HYCC1: variants seen among roughly 807,000 people sequenced by gnomAD.
HYCC1 encodes the protein hyccin.
the HYCC1 span, among the ~76,000 whole-genome samples, chr7:23,000,852 C>T: frequency 2.0e-5 from 3 of 151,272 alleles, no homozygotes; most frequent in Admixed American, 1.3e-4. Context: ...AGACAGACCT[C>T]GGAGGACAGC....
the HYCC1 span, chr7:22,944,451 A>G: frequency 6.6e-6 from 1 of 152,110 alleles, no homozygotes; most frequent in African/African-American, 2.4e-5. Context: ...TTCTTTTGAT[A>G]TCATACTAAG....
At chr7:22,969,030 C>A in the HYCC1 span, among the ~76,000 whole-genome samples, 1 of 152,018 alleles carries the variant, frequency 6.6e-6, no homozygotes, top group Non-Finnish European at 1.5e-5. Flanking sequence ...CTTTAGCTGC[C>A]TGAGGTCACT....
At chr7:23,005,900 TCTCCATTTCCCTATCAGGA>T in the HYCC1 span, among the ~76,000 whole-genome samples, 7 of 152,322 alleles carry the variant, frequency 4.6e-5, no homozygotes, top group South Asian at 8.3e-4. Context: ...TTCACCTTCC[TCTCCATTTCCCTATCAGGA>T]CTCACTTGAA....
At chr7:22,921,980 CA>C in the HYCC1 span, among the ~76,000 whole-genome samples, 1 of 151,772 alleles carries the variant, frequency 6.6e-6, no homozygotes, top group Admixed American at 6.6e-5. Context: ...CAAAAGCCTA[CA>C]GTGAAAAAAA....
chr7:22,930,384 A>G, the HYCC1 span, among the ~76,000 whole-genome samples: 4 of 128,938 alleles, frequency 3.1e-5, no homozygotes, highest in Non-Finnish European at 7.1e-5. Flanking sequence ...GTAAAAAGAA[A>G]AAGAAAAAGA....
chr7:23,007,961 C>T, the HYCC1 span, among the ~76,000 whole-genome samples: 1 of 152,032 alleles, frequency 6.6e-6, no homozygotes, highest in Non-Finnish European at 1.5e-5. Flanking sequence ...ATTTTGAACA[C>T]ACAACTGTGA....
chr7:22,903,432 T>A, the HYCC1 span, among the ~76,000 whole-genome samples: 2 of 152,176 alleles, frequency 1.3e-5, no homozygotes, highest in Non-Finnish European at 2.9e-5. Flanking sequence ...GAGAATATTA[T>A]GAAAAACCTT....
the HYCC1 span, among the ~76,000 whole-genome samples, chr7:22,924,471 GTCAC>G: frequency 1.3e-5 from 2 of 152,170 alleles, no homozygotes; most frequent in African/African-American, 4.8e-5. Flanking sequence ...GGAAAATCGG[GTCAC>G]TCCCACCCTA....
At chr7:22,936,870 C>T in the HYCC1 span, 1 of 152,328 alleles carries the variant, frequency 6.6e-6, no homozygotes, top group South Asian at 2.1e-4. Context: ...AATTTTACCC[C>T]TTCAGGGAAC....
At chr7:22,913,170 G>C in the HYCC1 span, among the ~76,000 whole-genome samples, 1 of 151,664 alleles carries the variant, frequency 6.6e-6, no homozygotes, top group African/African-American at 2.4e-5. Flanking sequence ...ACTAAACCTA[G>C]TCTCAAAAAC....
chr7:23,006,319 T>G, the HYCC1 span, among the ~76,000 whole-genome samples: 11 of 152,062 alleles, frequency 7.2e-5, no homozygotes, highest in Non-Finnish European at 1.2e-4. Flanking sequence ...CAGGCTGGAG[T>G]GCAGTGGCAC....
chr7:22,947,673 A>G, the HYCC1 span, among the ~76,000 whole-genome samples: 14 of 152,210 alleles, frequency 9.2e-5, no homozygotes, highest in South Asian at 2.7e-3. Flanking sequence ...CTACAGCCAA[A>G]CCTTTAGCTT....
chr7:22,905,212 T>C, the HYCC1 span, among the ~76,000 whole-genome samples: 1 of 151,938 alleles, frequency 6.6e-6, no homozygotes, highest in African/African-American at 2.4e-5. Context: ...TTTTTTCTTT[T>C]TTTCTTTTTG....
the HYCC1 span, among the ~76,000 whole-genome samples, chr7:22,975,015 A>G: frequency 6.6e-6 from 1 of 152,178 alleles, no homozygotes; most frequent in African/African-American, 2.4e-5. Flanking sequence ...GAGTCCACTA[A>G]ACATCTTTTC....
chr7:22,990,062 C>T, the HYCC1 span, among the ~76,000 whole-genome samples: 2 of 152,202 alleles, frequency 1.3e-5, no homozygotes, highest in African/African-American at 4.8e-5. Flanking sequence ...CCTTGATTTT[C>T]AACCCAGGTG....
the HYCC1 span, among the ~76,000 whole-genome samples, chr7:22,987,563 A>G: frequency 1.3e-5 from 2 of 152,184 alleles, no homozygotes; most frequent in Non-Finnish European, 2.9e-5. Context: ...TTAAAAAAAG[A>G]AAATACTAAT....
chr7:22,976,952 C>T, the HYCC1 span: 3 of 619,550 alleles, frequency 4.8e-6, no homozygotes, highest in African/African-American at 3.7e-5. Flanking sequence ...ATTTTCTGCT[C>T]GAAGATTTAA....
At chr7:22,971,002 C>T in the HYCC1 span, among the ~76,000 whole-genome samples, 5 of 152,114 alleles carry the variant, frequency 3.3e-5, no homozygotes, top group East Asian at 5.8e-4. Flanking sequence ...AAATCCTTTC[C>T]GGAAGGTGTA....
At chr7:22,964,062 T>C in the HYCC1 span, among the ~76,000 whole-genome samples, 4 of 151,160 alleles carry the variant, frequency 2.6e-5, no homozygotes, top group South Asian at 4.2e-4. Context: ...TTTCTGGCAA[T>C]GGAAAAATAT....
Sources: allele counts gnomAD v4.1 joint callset (sites outside exome capture counted in the v4.1 genomes callset), GRCh38; gene constraint gnomAD v4.1.1; transcripts MANE v1.5; gene names NCBI Gene and HGNC (gene_info 2026-07-23, HGNC 2026-07-21).